Variants in DOCK7 observed in about 807,000 individuals in gnomAD.
The protein encoded by DOCK7 is dedicator of cytokinesis protein 7.
DOCK7 carries 138 observed loss-of-function variants against 271.0 expected under a neutral mutation model. The observed-to-expected ratio is 0.51, with a 90% CI of 0.44 to 0.59. DOCK7 has a LOEUF of 0.59. Among genes scored for constraint, DOCK7 ranks in the 20% least tolerant of loss-of-function variants. DOCK7 has a pLI of 0.00. For missense variants in DOCK7, 2,066 were observed against 2,592.4 expected (o/e 0.80, Z 4.41); for synonymous variants, 823 against 876.1 (o/e 0.94, Z 1.07).
At chr1:62,508,183 CAA>C in intron 34 of DOCK7, 125 bp from the exon 35 acceptor site, 1 of 867,358 alleles carries the variant, frequency 1.2e-6, no homozygotes. Context: ...TAAAAAATTA[CAA>C]GAGAATAAGA....
At chr1:62,478,784 A>T (rs999911671) in intron 43 of DOCK7, 3 of 152,172 alleles carry the variant, frequency 2.0e-5, no homozygotes, top group African/African-American at 7.2e-5. Context: ...TATGAGTGAA[A>T]GATAATAAGT....
At chr1:62,592,259 A>C (rs1161494107) in intron 14 of DOCK7, among the ~76,000 whole-genome samples, 2 of 152,286 alleles carry the variant, frequency 1.3e-5, no homozygotes, top group Middle Eastern at 6.8e-3. Context: ...AAGGTAAATT[A>C]ATGAAAAATG....
intron 14 of DOCK7, chr1:62,601,875 T>C: frequency 6.2e-7 from 1 of 1,602,136 alleles, no homozygotes; most frequent in Middle Eastern, 1.7e-4. Flanking sequence ...ACTGTGATGT[T>C]ATATCAGGTA....
At position 62,631,268 on chromosome 1, in the gene DOCK7, A is replaced by G. The variant is rs1022211823; in HGVS notation, c.1254T>C (p.Asp418=). Residue 418 remains aspartate, a synonymous_variant, in exon 11 of 50, where the codon GAT becomes GAC. Transcript: ENST00000635253. ...IVSSAGSLER[D]STEVEISTGE... ...CAGTACTGATTTCTACTTCTGTAGA[A>G]TCTCTTTCCAAACTCCCAGCACTGC... The G allele has an allele frequency of 6.2e-7, 1 of 1,609,384 alleles. No individual in the cohort carries two copies. The highest frequency in any genetic ancestry group is 1.7e-5 in the Admixed American group (1 of 59,102).
rs867388859 is a variant in DOCK7, at chr1:62,583,206, T to C, written c.1849A>G (p.Thr617Ala). The C allele has an allele frequency of 1.2e-6, 2 of 1,613,406 alleles. No individual in the cohort carries two copies. The highest frequency in any genetic ancestry group is 3.3e-4 in the Middle Eastern group (2 of 6,004). The change falls in exon 16 of 50, where the codon ACA (threonine) becomes GCA (alanine). Residue 617 changes from threonine to alanine, a missense_variant. By Grantham distance (58) the Thr-to-Ala change is moderately conservative (BLOSUM62 0). Transcript: ENST00000635253. ...SCSEFSKEAY[T>A]AVVYHNRSPD... ...TACCTGTTATGATATACTACGGCTG[T>C]ATAGGCTTCCTTTGAAAATTCTGAA...
At chr1:62,577,236 AG>A in intron 18 of DOCK7, 25 bp downstream of exon 18, 1 of 1,362,160 alleles carries the variant, frequency 7.3e-7, no homozygotes, top group East Asian at 2.5e-5. Context: ...TTCAATCTGG[AG>A]AAAGTCAACA....
chr1:62,543,505 GGCATCAGACAA>G (rs1645601647), intron 24 of DOCK7, 140 bp downstream of exon 24: 1 of 489,848 alleles, frequency 2.0e-6, no homozygotes, highest in Non-Finnish European at 3.7e-6. Flanking sequence ...TGCCCCAAAA[GGCATCAGACAA>G]GCAATGCTTG....
intron 25 of DOCK7, among the ~76,000 whole-genome samples, 193 bp from the exon 26 acceptor site, chr1:62,540,085 A>G (rs1343518925): frequency 6.6e-6 from 1 of 152,076 alleles, no homozygotes; most frequent in Non-Finnish European, 1.5e-5. Context: ...AAAAACCACC[A>G]TATTACTTTC....
chr1:62,596,643 T>TA (rs945035428), intron 14 of DOCK7, among the ~76,000 whole-genome samples: 62 of 149,938 alleles, frequency 4.1e-4, no homozygotes, highest in South Asian at 8.5e-4. Context: ...ACATCATCTT[T>TA]AAAAAAAAAA....
At chr1:62,623,906 C>A (rs994906162) in intron 12 of DOCK7, among the ~76,000 whole-genome samples, 1 of 152,058 alleles carries the variant, frequency 6.6e-6, no homozygotes, top group Non-Finnish European at 1.5e-5. Flanking sequence ...TATTCAAGGT[C>A]CATTCAATTG....
rs1645942603 is a variant in DOCK7, at chr1:62,475,479, A to G, written c.5962-128T>C. ...AACTTTCATGTAACAATAAAATTCC[A>G]AACTTGGATTCCTAAATGAAAAAAA... On this transcript the variant is annotated intron_variant, in intron 46 of 49. Transcript: ENST00000635253. 2.4e-6 allele frequency: 3 copies of G among 1,260,086 alleles called. No homozygotes were observed. In the South Asian group the frequency reaches 4.7e-5, roughly 20 times the overall value. The allele number at this position is 1,260,086 out of a possible 1,614,324, so 78.1% of individuals were successfully genotyped here.
intron 22 of DOCK7, among the ~76,000 whole-genome samples, chr1:62,548,623 G>A (rs1030320547): frequency 6.6e-6 from 1 of 152,052 alleles, no homozygotes; most frequent in Non-Finnish European, 1.5e-5. Flanking sequence ...GTTTCTCCAT[G>A]TTGGTCAGGC....
intron 1 of DOCK7, among the ~76,000 whole-genome samples, chr1:62,666,054 C>T (rs1053938767): frequency 6.6e-6 from 1 of 151,958 alleles, no homozygotes; most frequent in Non-Finnish European, 1.5e-5. Context: ...GTCCCAGCTA[C>T]TCAGGAGGCT....
intron 27 of DOCK7, among the ~76,000 whole-genome samples, chr1:62,538,769 G>A (rs1645431335): frequency 6.6e-6 from 1 of 152,182 alleles, no homozygotes; most frequent in South Asian, 2.1e-4. Flanking sequence ...TGGACTATTA[G>A]TTCCCTAAAA....
intron 37 of DOCK7, among the ~76,000 whole-genome samples, chr1:62,501,355 C>G (rs114608598): frequency 0.011 from 1,655 of 152,068 alleles, 38 homozygotes; most frequent in African/African-American, 0.038. Context: ...AAGAAAAACA[C>G]TAGGAGGGTG....
At chr1:62,618,495 T>C (rs1652732700) in intron 14 of DOCK7, among the ~76,000 whole-genome samples, 1 of 151,980 alleles carries the variant, frequency 6.6e-6, no homozygotes, top group Non-Finnish European at 1.5e-5. Context: ...TAAATAAGAC[T>C]AAAAAAGATA....
intron 12 of DOCK7, among the ~76,000 whole-genome samples, chr1:62,620,746 G>C (rs1258126980): frequency 6.6e-6 from 1 of 151,476 alleles, no homozygotes; most frequent in Admixed American, 6.6e-5. Flanking sequence ...TAGCCGGGCG[G>C]GATGGCAGGC....
chr1:62,578,727 A>AC, intron 17 of DOCK7, 101 bp downstream of exon 17: 4 of 972,230 alleles, frequency 4.1e-6, no homozygotes, highest in Middle Eastern at 3.9e-4. Flanking sequence ...CAAAAAAAAA[A>AC]AAAAAAAAAA....
At chr1:62,636,039 T>A (rs770236934) in intron 8 of DOCK7, among the ~76,000 whole-genome samples, 5 of 152,100 alleles carry the variant, frequency 3.3e-5, no homozygotes, top group Non-Finnish European at 7.4e-5. Context: ...GATCACGAGG[T>A]CAGAAGATCG....
Sources: gnomAD v4.1 joint callset for allele counts (sites outside exome capture counted in the v4.1 genomes callset) on GRCh38, gnomAD v4.1.1 for gene constraint, MANE v1.5 for transcripts, NCBI Gene and HGNC (gene_info 2026-07-23, HGNC 2026-07-21) for gene names.